The following ZNF382 variants were observed in gnomAD, a reference collection of about 807,000 sequenced individuals.
ZNF382 encodes the protein zinc finger protein 382.
ZNF382 carries 20 observed loss-of-function variants against 38.8 expected under a neutral mutation model. That is an observed-to-expected ratio of 0.51 (90% CI 0.36 to 0.75). The LOEUF (loss-of-function observed/expected upper bound fraction) is 0.75. Ranked by LOEUF, ZNF382 falls within the 30% of genes least tolerant of loss-of-function variation. The pLI, the probability that ZNF382 is intolerant of heterozygous loss-of-function variation, is 0.00. For synonymous variants in ZNF382, 202 were observed against 223.1 expected (o/e 0.91, Z 0.84); for missense variants, 546 against 654.1 (o/e 0.83, Z 1.80).
chr19:36,618,260 T>A (rs1489998051), intron 4 of ZNF382, among the ~76,000 whole-genome samples: 1 of 152,224 alleles, frequency 6.6e-6, no homozygotes, highest in Admixed American at 6.5e-5. Context: ...AAGGTTCTTG[T>A]TGTCACAGGG....
chr19:36,618,805 C>T lies in ZNF382; in HGVS notation c.233-7325C>T, dbSNP rs112922857. On this transcript the variant is annotated intron_variant, in intron 4 of 4. Coordinates refer to ENST00000292928, the MANE Select transcript of ZNF382 (RefSeq NM_032825.5). ...GTAATCCCAGCACTTTGGGAGGCTG[C>T]GACGGGAGGATCACTTGAGGCCAGG... Among the ~76,000 whole-genome samples the T allele has an allele frequency of 9.7e-3, 1,476 of 152,054 alleles. 28 individuals are homozygous for T. Among genetic ancestry groups the T allele is most frequent in the African/African-American group, 0.034 (1,423 of 41,478 alleles).
rs1207408670 is a variant in ZNF382 at position 36,627,180 on chromosome 19, G to A, written c.1283G>A (p.Arg428Lys). The A allele has an allele frequency of 6.2e-7, 1 of 1,613,946 alleles. No individual in the cohort carries two copies. The highest frequency in any genetic ancestry group is 1.3e-5 in the African/African-American group (1 of 74,894). The change falls in exon 5 of 5, where the codon AGA becomes AAA. Residue 428 changes from arginine (R) to lysine (K), a missense_variant. Coordinates refer to ENST00000292928, the MANE Select transcript of ZNF382 (RefSeq NM_032825.5). ...IQKTTLTVHQ[R>K]THTGEKPYIC... ...AAGACAACCCTCACTGTTCATCAGAGAACTCACACAGGAGAGAAACCCTAT... is the reference window on the plus strand; with the variant it reads ...AAGACAACCCTCACTGTTCATCAGAAAACTCACACAGGAGAGAAACCCTAT...
chr19:36,622,974 A>G (rs1008651472), intron 4 of ZNF382, among the ~76,000 whole-genome samples: 3 of 152,134 alleles, frequency 2.0e-5, no homozygotes, highest in Non-Finnish European at 2.9e-5. Flanking sequence ...GACATCTGTA[A>G]CATGTGAGCA....
chr19:36,627,598 G>T lies in ZNF382; in HGVS notation c.*48G>T. ...AAAATGTTAAGTCATAGTAAACCCT[G>T]TAGATGATGTTGCTTGCAAGCGTAA... On this transcript the variant is annotated 3_prime_UTR_variant, in exon 5 of 5. Transcript: ENST00000292928. 1 of 1,398,408 alleles carries T rather than the reference G, an allele frequency of 7.2e-7. No individual in the cohort carries two copies. The highest frequency in any genetic ancestry group is 1.4e-5 in the African/African-American group (1 of 70,078). The allele number at this position is 1,398,408 out of a possible 1,614,324, so 86.6% of individuals were successfully genotyped here. A position where few individuals can be genotyped will look rare whatever the true frequency, so the allele number is the denominator to read the frequency against.
chr19:36,621,617 C>CAA (rs2037171595), intron 4 of ZNF382, among the ~76,000 whole-genome samples: 1 of 150,630 alleles, frequency 6.6e-6, no homozygotes, highest in African/African-American at 2.4e-5. Context: ...CACACACACA[C>CAA]AAAATACAAA....
chr19:36,610,497 T>C (rs1181942635), intron 3 of ZNF382, 153 bp from the exon 4 acceptor site: 3 of 513,848 alleles, frequency 5.8e-6, no homozygotes, highest in South Asian at 6.1e-5. Context: ...AAAGAAAATA[T>C]GATTATATCA....
At chr19:36,607,719 GCTTCCATGAAATTAGTCTT>G in intron 2 of ZNF382, 97 bp downstream of exon 2, 1 of 1,292,588 alleles carries the variant, frequency 7.7e-7, no homozygotes, top group Non-Finnish European at 1.0e-6. Flanking sequence ...ATTGGGATTT[GCTTCCATGAAATTAGTCTT>G]CAGTCAGGGC....
intron 4 of ZNF382, among the ~76,000 whole-genome samples, chr19:36,611,450 A>G (rs2037077332): frequency 6.6e-6 from 1 of 152,114 alleles, no homozygotes; most frequent in South Asian, 2.1e-4. Context: ...ATTTTACTTA[A>G]TGTAATGTCC....
intron 4 of ZNF382, among the ~76,000 whole-genome samples, chr19:36,613,519 C>T (rs1017173744): frequency 6.6e-6 from 1 of 151,344 alleles, no homozygotes. Context: ...CGCTTCCCTG[C>T]AACCTCCACC....
chr19:36,614,880 CTTCCTTTCCT>C (rs376641731), intron 4 of ZNF382, among the ~76,000 whole-genome samples: 12 of 89,894 alleles, frequency 1.3e-4, no homozygotes, highest in Admixed American at 7.6e-4. Flanking sequence ...TTCTTTCTTT[CTTCCTTTCCT>C]TTCCTTTCCT....
chr19:36,606,310 AAT>A (rs1491328040), intron 1 of ZNF382, among the ~76,000 whole-genome samples: 2 of 101,758 alleles, frequency 2.0e-5, no homozygotes, highest in African/African-American at 4.6e-5. Flanking sequence ...ACATGCAGGA[AAT>A]TTTTTTTTTT....
chr19:36,609,844 A>C, intron 2 of ZNF382, 58 bp from the exon 3 acceptor site: 1 of 1,471,028 alleles, frequency 6.8e-7, no homozygotes, highest in Non-Finnish European at 9.1e-7. Context: ...CTGACCAGTA[A>C]ACATTGTCAG....
At chr19:36,619,924 G>T (rs1161943920) in intron 4 of ZNF382, among the ~76,000 whole-genome samples, 1 of 151,846 alleles carries the variant, frequency 6.6e-6, no homozygotes, top group Non-Finnish European at 1.5e-5. Flanking sequence ...GTAGAGACAG[G>T]GTTTCACCGT....
At chr19:36,608,908 A>G (rs927776369) in intron 2 of ZNF382, 1 of 152,218 alleles carries the variant, frequency 6.6e-6, no homozygotes, top group Non-Finnish European at 1.5e-5. Context: ...CTCTGTTGTA[A>G]TGGTGGTCAT....
intron 4 of ZNF382, among the ~76,000 whole-genome samples, chr19:36,613,231 A>G (rs577612468): frequency 6.6e-6 from 1 of 152,120 alleles, no homozygotes; most frequent in Non-Finnish European, 1.5e-5. Context: ...TGACTTGCAT[A>G]TTCATTTTAA....
rs1477759133 is a variant in ZNF382 at position 36,633,453 on chromosome 19, G to C, written c.*5903G>C. On this transcript the variant is annotated 3_prime_UTR_variant, in exon 5 of 5. Transcript: ENST00000292928. ...TTGTTTTAGATTCAGGAGTACAGGT[G>C]TGGATTTGTTACTGGAACTTTCATA... The C allele has an allele frequency of 6.6e-6, 1 of 151,870 alleles. No individual in the cohort carries two copies. Among genetic ancestry groups the C allele is most frequent in the African/African-American group, 2.4e-5 (1 of 41,162 alleles). 9.4% of individuals were successfully genotyped at this position (151,870 alleles called of 1,614,324 possible). A position where few individuals can be genotyped will look rare whatever the true frequency, so the allele number is the denominator to read the frequency against.
intron 4 of ZNF382, among the ~76,000 whole-genome samples, chr19:36,614,914 C>CTTCCCTTCCCTTTCCGT (rs1555793082): frequency 1.4e-4 from 13 of 90,820 alleles, no homozygotes; most frequent in African/African-American, 4.2e-4. Flanking sequence ...CTTTCCTTTC[C>CTTCCCTTCCCTTTCCGT]TTCCCTTTCC....
intron 4 of ZNF382, among the ~76,000 whole-genome samples, chr19:36,616,774 G>T (rs1031667683): frequency 1.3e-5 from 2 of 152,174 alleles, no homozygotes; most frequent in African/African-American, 2.4e-5. Flanking sequence ...TTTGTTTCCA[G>T]TTAGCCCTTT....
intron 1 of ZNF382, among the ~76,000 whole-genome samples, chr19:36,605,947 A>G (rs2037019178): frequency 6.6e-6 from 1 of 152,068 alleles, no homozygotes; most frequent in Admixed American, 6.6e-5. Context: ...GTGAATGACA[A>G]GTGGGGCCTG....
Sources: allele counts gnomAD v4.1 joint callset (sites outside exome capture counted in the v4.1 genomes callset), GRCh38; gene constraint gnomAD v4.1.1; transcripts MANE v1.5; gene names NCBI Gene and HGNC (gene_info 2026-07-23, HGNC 2026-07-21).